Variants in CNST observed in about 807,000 individuals in gnomAD.
The protein encoded by CNST is consortin.
Under a neutral mutation model 72.4 loss-of-function variants are expected in CNST, and 39 were observed. The observed-to-expected ratio is 0.54, with a 90% CI of 0.42 to 0.70. CNST has a LOEUF of 0.70. Among genes scored for constraint, CNST ranks in the 30% least tolerant of loss-of-function variants. CNST has a pLI of 0.00. For missense variants in CNST, 871 were observed against 868.5 expected, an observed-to-expected ratio of 1.00 and a Z score of -0.04; for synonymous variants, 332 against 320.1, an observed-to-expected ratio of 1.04 and a Z score of -0.40.
chr1:246,615,074 A>G (rs1052875049), intron 2 of CNST, among the ~76,000 whole-genome samples: 1 of 152,228 alleles, frequency 6.6e-6, no homozygotes, highest in African/African-American at 2.4e-5. Flanking sequence ...CGGAGCAGTT[A>G]TATGTTAGAA....
chr1:246,606,171 C>G (rs1662791882), intron 2 of CNST: 1 of 152,240 alleles, frequency 6.6e-6, no homozygotes, highest in Non-Finnish European at 1.5e-5. Flanking sequence ...TCTGGATTGT[C>G]TGGCGGTTAA....
intron 8 of CNST, among the ~76,000 whole-genome samples, chr1:246,645,529 G>A (rs3129555): frequency 0.91 from 136,598 of 149,904 alleles, 62,214 homozygotes; most frequent in South Asian, 0.94. Flanking sequence ...CCGGGTTCAC[G>A]CCATTCTCCT....
intron 9 of CNST, among the ~76,000 whole-genome samples, chr1:246,653,413 A>G (rs1482214729): frequency 3.3e-5 from 5 of 152,246 alleles, no homozygotes; most frequent in African/African-American, 9.6e-5. Context: ...GATCCGGAAC[A>G]AAAGAGGGTC....
intron 1 of CNST, among the ~76,000 whole-genome samples, chr1:246,589,104 ATTG>A (rs1391665759): frequency 6.6e-6 from 1 of 151,962 alleles, no homozygotes; most frequent in Non-Finnish European, 1.5e-5. Context: ...CATTATTATT[ATTG>A]TTTTATTTTA....
At chr1:246,630,178 A>G (rs1205287432) in intron 3 of CNST, among the ~76,000 whole-genome samples, 1 of 152,174 alleles carries the variant, frequency 6.6e-6, no homozygotes, top group Non-Finnish European at 1.5e-5. Flanking sequence ...TATTGACACC[A>G]CTGAAATGAG....
chr1:246,589,902 A>C (rs889962784), intron 1 of CNST, among the ~76,000 whole-genome samples: 8 of 152,188 alleles, frequency 5.3e-5, no homozygotes, highest in African/African-American at 1.9e-4. Flanking sequence ...TTTTGGCTGC[A>C]TAAATGTCTT....
At chr1:246,599,176 G>GAA (rs80319670) in intron 2 of CNST, among the ~76,000 whole-genome samples, 1 of 109,402 alleles carries the variant, frequency 9.1e-6, no homozygotes. Flanking sequence ...ACTGTCTTAG[G>GAA]AAAAAAAAAA....
At chr1:246,648,641 A>G (rs1666270069) in intron 9 of CNST, among the ~76,000 whole-genome samples, 1 of 152,208 alleles carries the variant, frequency 6.6e-6, no homozygotes, top group Non-Finnish European at 1.5e-5. Flanking sequence ...AAACTACAGC[A>G]CACTCACGAA....
intron 2 of CNST, among the ~76,000 whole-genome samples, chr1:246,616,786 C>T (rs976284730): frequency 2.0e-5 from 3 of 151,904 alleles, no homozygotes; most frequent in African/African-American, 7.2e-5. Flanking sequence ...ATCTCTTGAC[C>T]TCATGATCCG....
At position 246,668,506 on chromosome 1, in the gene CNST, C is replaced by T. The variant is rs1307523026; in HGVS notation, c.*2601C>T. The T allele has an allele frequency of 2.0e-5, 3 of 152,222 alleles. No homozygotes were observed. Among genetic ancestry groups the T allele is most frequent in the Admixed American group, 6.5e-5 (1 of 15,280 alleles). The allele number at this position is 152,222 out of a possible 1,614,324, so 9.4% of individuals were successfully genotyped here. A position where few individuals can be genotyped will look rare whatever the true frequency, so the allele number is the denominator to read the frequency against. On this transcript the variant is annotated 3_prime_UTR_variant, in exon 11 of 11. Coordinates refer to ENST00000366513, the MANE Select transcript of CNST (RefSeq NM_152609.3). ...GGCTCTTCTGCTTTAAAATACCTCC[C>T]CCATCTGCTGACAGTAGCTGAAGAT...
intron 4 of CNST, 42 bp downstream of exon 4, chr1:246,631,966 T>C (rs1394836263): frequency 4.4e-6 from 5 of 1,135,746 alleles, no homozygotes; most frequent in Non-Finnish European, 6.5e-6. Context: ...TTAGAACTCT[T>C]ACAGAACCAT....
At chr1:246,583,952 C>A (rs918401084) in intron 1 of CNST, among the ~76,000 whole-genome samples, 7 of 151,436 alleles carry the variant, frequency 4.6e-5, no homozygotes, top group Non-Finnish European at 1.0e-4. Context: ...CTTTTTTTTT[C>A]TTTTTAAGAG....
chr1:246,574,209 T>A (rs958204025), intron 1 of CNST, among the ~76,000 whole-genome samples: 1 of 152,094 alleles, frequency 6.6e-6, no homozygotes, highest in Non-Finnish European at 1.5e-5. Flanking sequence ...GCCCGGCTAA[T>A]TTTTTGTATT....
intron 2 of CNST, among the ~76,000 whole-genome samples, chr1:246,620,883 CTA>C (rs1356416960): frequency 6.6e-6 from 1 of 151,646 alleles, no homozygotes; most frequent in East Asian, 1.9e-4. Flanking sequence ...TGCGTACACA[CTA>C]TGGGCTCTGG....
chr1:246,643,148 C>A (rs1665832854), intron 8 of CNST, among the ~76,000 whole-genome samples: 2 of 151,902 alleles, frequency 1.3e-5, no homozygotes, highest in South Asian at 4.2e-4. Flanking sequence ...CACCTCAGCC[C>A]CACAAAGTCC....
chr1:246,594,281 C>G (rs115374054), intron 2 of CNST, among the ~76,000 whole-genome samples: 1,928 of 152,092 alleles, frequency 0.013, 16 homozygotes, highest in Middle Eastern at 0.027. Flanking sequence ...TCTTGAGTAC[C>G]TGGGACTACA....
intron 8 of CNST, among the ~76,000 whole-genome samples, chr1:246,644,691 C>T (rs1450403675): frequency 6.6e-6 from 1 of 152,180 alleles, no homozygotes; most frequent in Non-Finnish European, 1.5e-5. Flanking sequence ...AGCAACACAC[C>T]CCAGTCCTCT....
chr1:246,573,690 G>A, intron 1 of CNST, among the ~76,000 whole-genome samples: 1 of 152,168 alleles, frequency 6.6e-6, no homozygotes, highest in East Asian at 1.9e-4. Flanking sequence ...AACCTTATGA[G>A]CAAAATTTCT....
intron 2 of CNST, among the ~76,000 whole-genome samples, chr1:246,597,983 ATTTATT>A (rs1486100711): frequency 1.3e-5 from 2 of 149,916 alleles, no homozygotes; most frequent in African/African-American, 5.1e-5. Context: ...GTATTTATTT[ATTTATT>A]TATTTATTTA....
Sources: allele counts gnomAD v4.1 joint callset (sites outside exome capture counted in the v4.1 genomes callset), GRCh38; gene constraint gnomAD v4.1.1; transcripts MANE v1.5; gene names NCBI Gene and HGNC (gene_info 2026-07-23, HGNC 2026-07-21).